The following NBPF26 variants were observed in gnomAD, a reference collection of about 807,000 sequenced individuals.
NBPF26 encodes NBPF family member NBPF26.
Under a neutral mutation model 119.6 loss-of-function variants are expected in NBPF26, and 79 were observed. That is an observed-to-expected ratio of 0.66 (90% confidence interval 0.55 to 0.80). NBPF26 has a LOEUF of 0.80. Ranked by LOEUF, NBPF26 falls within the 30% of genes least tolerant of loss-of-function variation. The pLI is 0.00. For missense variants in NBPF26, 800 were observed against 1,198.2 expected (o/e 0.67, Z 4.91); for synonymous variants, 299 against 457.7 (o/e 0.65, Z 4.43).
Position 120,823,696 on chromosome 1 carries a change from G to C in NBPF26, c.2640-278G>C, listed in dbSNP as rs1553272328. Reference sequence around the variant, plus strand: ...TGTGTGTCCTGAGAGCACAAATACAGAGTGTCCTTTGACTCCCTCATCAGT... The same window carrying C: ...TGTGTGTCCTGAGAGCACAAATACACAGTGTCCTTTGACTCCCTCATCAGT... On this transcript the variant is annotated intron_variant, in intron 17 of 29. Transcript: ENST00000620612. Among the ~76,000 whole-genome samples the C allele has an allele frequency of 1.6e-3, 192 of 118,884 alleles. 39 individuals are homozygous for C. Among genetic ancestry groups the C allele is most frequent in the African/African-American group, 7.8e-3 (185 of 23,762 alleles). The allele number at this position is 118,884 out of a possible 152,430, so 78.0% of individuals were successfully genotyped here. A position where few individuals can be genotyped will look rare whatever the true frequency, so the allele number is the denominator to read the frequency against.
At position 120,807,835 on chromosome 1, in the gene NBPF26, C is replaced by T. The variant is rs1352401614; in HGVS notation, c.1064+126C>T. ...AGGGCAGGAATTGCCATGGCAGGCT[C>T]GCTACACACAAATATTTATCAAACA... On this transcript the variant is annotated intron_variant, in intron 6 of 29. Coordinates refer to ENST00000620612, the Ensembl canonical transcript of NBPF26. 2.8e-5 allele frequency: 15 copies of T among 529,484 alleles called. 2 individuals carry two copies. The highest frequency in any genetic ancestry group is 8.2e-5 in the South Asian group (4 of 48,698). The allele number at this position is 529,484 out of a possible 1,614,324, so 32.8% of individuals were successfully genotyped here. A position where few individuals can be genotyped will look rare whatever the true frequency, so the allele number is the denominator to read the frequency against.
chr1:120,818,620 A>C (rs1441500109), intron 15 of NBPF26, among the ~76,000 whole-genome samples: 1 of 125,906 alleles, frequency 7.9e-6, no homozygotes, highest in Non-Finnish European at 1.6e-5. Context: ...GTGGGCATTT[A>C]GTGCTATAAT....
chr1:120,765,794 G>A (rs1387467870), intron 2 of NBPF26, among the ~76,000 whole-genome samples: 1 of 128,662 alleles, frequency 7.8e-6, no homozygotes, highest in Non-Finnish European at 1.6e-5. Context: ...GGAATACTAT[G>A]CAGCCATAAA....
At chr1:120,724,325 C>A in intron 1 of NBPF26, 75 bp downstream of exon 1, 1 of 1,361,418 alleles carries the variant, frequency 7.3e-7, no homozygotes, top group Non-Finnish European at 9.6e-7. Context: ...CCCCCTCAGT[C>A]CTTCTCTGTG....
intron 1 of NBPF26, among the ~76,000 whole-genome samples, chr1:120,727,638 A>AT (rs2101340367): frequency 9.7e-6 from 1 of 102,862 alleles, no homozygotes; most frequent in East Asian, 2.3e-4. Flanking sequence ...AGAGTAAAAA[A>AT]CTGCAAGGCG....
intron 3 of NBPF26, among the ~76,000 whole-genome samples, chr1:120,788,532 A>G (rs1651449189): frequency 2.0e-5 from 1 of 49,380 alleles, no homozygotes; most frequent in Non-Finnish European, 3.7e-5. Context: ...AATCCTGGCT[A>G]TGGGAGAAGC....
chr1:120,776,245 A>G (rs1300500348), intron 2 of NBPF26, among the ~76,000 whole-genome samples: 1 of 116,162 alleles, frequency 8.6e-6, no homozygotes, highest in Non-Finnish European at 1.6e-5. Flanking sequence ...GTTATTAAGA[A>G]CAGAGGGGGT....
At position 120,806,376 on chromosome 1, in the gene NBPF26, C is replaced by T. The variant is rs1553269982; in HGVS notation, c.961+611C>T. On this transcript the variant is annotated intron_variant, in intron 5 of 29. Transcript: ENST00000620612. ...TTGGGAGGCTGAGGCGGGCAGAGCA[C>T]GAGGTCAGCAGTTTGAGACTAGCCT... Among the ~76,000 whole-genome samples, 5 of 107,746 alleles carry T rather than the reference C, an allele frequency of 4.6e-5. 1 individual carries two copies. Among genetic ancestry groups the T allele is most frequent in the South Asian group, 2.9e-4 (1 of 3,494 alleles). 70.7% of individuals were successfully genotyped at this position (107,746 alleles called of 152,430 possible). A position where few individuals can be genotyped will look rare whatever the true frequency, so the allele number is the denominator to read the frequency against.
rs1173139670 is a variant in NBPF26, at chr1:120,765,555, T to C, written c.155+1846T>C. ...ATAAGAAGACACTGGTTCTCTCCTTTAAAAATTTCAGTGTGGCGATTCCTC... is the reference window on the plus strand; with the variant it reads ...ATAAGAAGACACTGGTTCTCTCCTTCAAAAATTTCAGTGTGGCGATTCCTC... On this transcript the variant is annotated intron_variant, in intron 2 of 29. Transcript: ENST00000620612. 8.3e-3 allele frequency among the ~76,000 whole-genome samples: 601 copies of C among 72,426 alleles called. 35 individuals are homozygous for C. The highest frequency in any genetic ancestry group is 0.011 in the South Asian group (26 of 2,338). 47.5% of individuals were successfully genotyped at this position (72,426 alleles called of 152,430 possible).
At chr1:120,840,812 C>G (rs1652505455), downstream of NBPF26, 8 of 569,156 alleles carry the variant, frequency 1.4e-5, 1 homozygote, top group Non-Finnish European at 2.3e-5. Flanking sequence ...AACTGTGCAG[C>G]ACATGCCGGG....
intron 6 of NBPF26, 141 bp downstream of exon 6, chr1:120,807,850 T>G (rs1651741898): frequency 3.7e-6 from 2 of 536,450 alleles, no homozygotes; most frequent in East Asian, 2.7e-5. Flanking sequence ...CACACAAATA[T>G]TTATCAAACA....
chr1:120,761,329 T>C lies in NBPF26; in HGVS notation c.74-2299T>C. On this transcript the variant is annotated intron_variant, in intron 1 of 29. Coordinates refer to ENST00000620612, the Ensembl canonical transcript of NBPF26. Reference sequence around the variant, plus strand: ...ACTGGGCATGCCATTCATGTACTTATAAGGAGGGAGCTGTTGCTGGTGGAT... The same window carrying C: ...ACTGGGCATGCCATTCATGTACTTACAAGGAGGGAGCTGTTGCTGGTGGAT... Among the ~76,000 whole-genome samples, 2 of 113,856 alleles carry C rather than the reference T, an allele frequency of 1.8e-5. 1 individual carries two copies. The highest frequency in any genetic ancestry group is 3.3e-5 in the Non-Finnish European group (2 of 60,052). 74.7% of individuals were successfully genotyped at this position (113,856 alleles called of 152,430 possible).
rs1467937677 is a variant in NBPF26 at position 120,811,978 on chromosome 1, A to G, written c.1657A>G (p.Ile553Val). ...GAAGGCAGCGATAAACATTCTAGAA[A>G]TCAATGAGAAATTGCGCCCCCAGCT... Residue 553 changes from isoleucine (I) to valine (V), a missense_variant, in exon 10 of 30, where the codon ATC becomes GTC. Coordinates refer to ENST00000620612, the Ensembl canonical transcript of NBPF26. 78 of 1,237,958 alleles carry G rather than the reference A, an allele frequency of 6.3e-5. 27 individuals carry two copies. In the African/African-American group the frequency reaches 2.0e-3, roughly 32 times the overall value. The allele number at this position is 1,237,958 out of a possible 1,614,324, so 76.7% of individuals were successfully genotyped here.
Position 120,816,992 on chromosome 1 carries a change from G to T in NBPF26, c.2371+165G>T, listed in dbSNP as rs1351848504. Among the ~76,000 whole-genome samples, 2 of 119,776 alleles carry T rather than the reference G, an allele frequency of 1.7e-5. 1 individual carries two copies. Among genetic ancestry groups the T allele is most frequent in the Non-Finnish European group, 3.3e-5 (2 of 61,134 alleles). 78.6% of individuals were successfully genotyped at this position (119,776 alleles called of 152,430 possible). A position where few individuals can be genotyped will look rare whatever the true frequency, so the allele number is the denominator to read the frequency against. On this transcript the variant is annotated intron_variant, in intron 14 of 29. Coordinates refer to ENST00000620612, the Ensembl canonical transcript of NBPF26. ...CCTTCTCAGCTAATGTCATGACTTT[G>T]TCTGCCAGTCCCCAGTATCAAGTTA...
At chr1:120,790,066 G>C (rs1402734430) in intron 3 of NBPF26, among the ~76,000 whole-genome samples, 7 of 80,566 alleles carry the variant, frequency 8.7e-5, no homozygotes, top group Non-Finnish European at 1.5e-4. Context: ...ATCCAGGCTG[G>C]AGTGCAGGGC....
chr1:120,840,519 G>A lies in NBPF26; in HGVS notation c.4273G>A (p.Asp1425Asn), dbSNP rs1198937020. Residue 1425 changes from aspartate (D) to asparagine (N), a missense_variant, in exon 30 of 30, where the codon GAC (aspartate) becomes AAC (asparagine). By Grantham distance (23) the Asp-to-Asn change is conservative. Transcript: ENST00000620612. ...GCATATCAGCTTCGCCCTTTACGTG[G>A]ACAATAGGTTTTTTACTTTGACGGT... 2.0e-6 allele frequency: 3 copies of A among 1,474,210 alleles called. No individual in the cohort carries two copies. In the East Asian group the frequency reaches 6.8e-5, roughly 33 times the overall value. The allele number at this position is 1,474,210 out of a possible 1,614,324, so 91.3% of individuals were successfully genotyped here.
chr1:120,724,322 A>T, intron 1 of NBPF26, 72 bp downstream of exon 1: 2 of 1,360,544 alleles, frequency 1.5e-6, no homozygotes, highest in Non-Finnish European at 1.9e-6. Context: ...TCTCCCCCTC[A>T]GTCCTTCTCT....
intron 1 of NBPF26, among the ~76,000 whole-genome samples, chr1:120,752,552 A>ATTTTTTT (rs1386751525): frequency 0.012 from 104 of 8,972 alleles, no homozygotes; most frequent in Non-Finnish European, 0.015. Flanking sequence ...ATATATATAT[A>ATTTTTTT]TATTTTTTTT....
intron 22 of NBPF26, among the ~76,000 whole-genome samples, chr1:120,832,570 A>G (rs1229429908): frequency 5.9e-5 from 7 of 118,620 alleles, no homozygotes; most frequent in East Asian, 4.3e-4. Context: ...TCTCCTAGAA[A>G]TCATTTGAGG....
Sources: gnomAD v4.1 joint callset for allele counts (sites outside exome capture counted in the v4.1 genomes callset) on GRCh38, gnomAD v4.1.1 for gene constraint, MANE v1.5 for transcripts, NCBI Gene and HGNC (gene_info 2026-07-23, HGNC 2026-07-21) for gene names.